STAB2: variants seen among roughly 807,000 people sequenced by gnomAD.
STAB2 encodes stabilin 2.
Under a neutral mutation model 338.1 loss-of-function variants are expected in STAB2, and 288 were observed. The ratio of observed to expected loss-of-function variants is 0.85; its 90% confidence interval spans 0.77 to 0.94. The LOEUF (loss-of-function observed/expected upper bound fraction) is 0.94. Among genes scored for constraint, STAB2 ranks in the 40% least tolerant of loss-of-function variants. The pLI, the probability that STAB2 is intolerant of heterozygous loss-of-function variation, is 0.00. For synonymous variants in STAB2, 1,202 were observed against 1,193.3 expected, an observed-to-expected ratio of 1.01 and a Z score of -0.15; for missense variants, 3,141 against 3,210.1, an observed-to-expected ratio of 0.98 and a Z score of 0.52.
chr12:103,742,446 G>A lies in STAB2; in HGVS notation c.5923G>A (p.Val1975Ile). The change falls in exon 56 of 69, where the codon GTC becomes ATC. Residue 1975 changes from valine (V) to isoleucine (I), a missense_variant. Transcript: ENST00000388887. Reference protein sequence around the residue: ...GPDAPCNNRGVCLDQYSATGE... With the variant: ...GPDAPCNNRGICLDQYSATGE... ...AGATGCCCCGTGTAATAACCGGGGT[G>A]TCTGCCTTGATCAGTACTCGGCCAC... is the stretch of plus-strand genomic sequence containing the variant. The A allele has an allele frequency of 6.2e-7, 1 of 1,614,134 alleles. No individual in the cohort carries two copies. The highest frequency in any genetic ancestry group is 1.1e-5 in the South Asian group (1 of 91,066).
At chr12:103,676,441 G>A (rs1876381919) in intron 24 of STAB2, among the ~76,000 whole-genome samples, 1 of 152,128 alleles carries the variant, frequency 6.6e-6, no homozygotes, top group African/African-American at 2.4e-5. Flanking sequence ...ATAGGTCAAT[G>A]TCTGATCACT....
intron 27 of STAB2, among the ~76,000 whole-genome samples, chr12:103,686,286 T>C (rs1311243084): frequency 6.6e-6 from 1 of 152,166 alleles, no homozygotes; most frequent in East Asian, 1.9e-4. Flanking sequence ...CCCCTCTCAC[T>C]GTCAACTGTG....
chr12:103,745,293 G>C lies in STAB2; in HGVS notation c.6136+16G>C, dbSNP rs1882938848. The C allele has an allele frequency of 6.2e-7, 1 of 1,609,570 alleles. No homozygotes were observed. The highest frequency in any genetic ancestry group is 8.5e-7 in the Non-Finnish European group (1 of 1,178,470). On this transcript the variant is annotated intron_variant, in intron 57 of 68. Coordinates refer to ENST00000388887, the MANE Select transcript of STAB2 (RefSeq NM_017564.10). ...ACTCAGGCAGGTCAGTCATGGGAGT[G>C]GTCAGCTGCTGGCAGCCCAGGGCTG...
intron 43 of STAB2, 104 bp from the exon 44 acceptor site, chr12:103,717,666 A>G: frequency 2.2e-6 from 2 of 894,922 alleles, no homozygotes; most frequent in South Asian, 2.9e-5. Flanking sequence ...AGACTCTCCT[A>G]ACATTACCAT....
chr12:103,631,520 T>G, intron 5 of STAB2, 78 bp from the exon 6 acceptor site: 1 of 1,390,450 alleles, frequency 7.2e-7, no homozygotes, highest in South Asian at 1.2e-5. Context: ...GCAAAGATGA[T>G]CTAAAAACAC....
At chr12:103,725,812 C>A (rs1309125163) in intron 45 of STAB2, among the ~76,000 whole-genome samples, 1 of 152,122 alleles carries the variant, frequency 6.6e-6, no homozygotes, top group Non-Finnish European at 1.5e-5. Flanking sequence ...CTGCCATAAA[C>A]CTATAACTGA....
At chr12:103,588,750 A>G (rs1956751631) in intron 1 of STAB2, among the ~76,000 whole-genome samples, 2 of 152,222 alleles carry the variant, frequency 1.3e-5, no homozygotes, top group Non-Finnish European at 2.9e-5. Context: ...CCACATACTT[A>G]TCCAAATGTG....
At position 103,631,577 on chromosome 12, in the gene STAB2, TC is replaced by T. The variant is rs1265540330; in HGVS notation, c.488-16del. On this transcript the variant is annotated intron_variant, in intron 5 of 68. Coordinates refer to ENST00000388887, the MANE Select transcript of STAB2 (RefSeq NM_017564.10). ...AACAGTCTATGTCAGGTAATAAAAATCCCCCACTTTCTGTCTCCAGTGTGCA... is the reference window on the plus strand; with the variant it reads ...AACAGTCTATGTCAGGTAATAAAAATCCCCACTTTCTGTCTCCAGTGTGCA... The T allele has an allele frequency of 1.9e-6, 3 of 1,610,180 alleles. No homozygotes were observed. The highest frequency in any genetic ancestry group is 2.5e-6 in the Non-Finnish European group (3 of 1,176,744).
intron 8 of STAB2, among the ~76,000 whole-genome samples, chr12:103,639,388 C>T (rs1214271712): frequency 6.6e-6 from 1 of 152,116 alleles, no homozygotes; most frequent in Non-Finnish European, 1.5e-5. Flanking sequence ...GTAGCACCGC[C>T]TCCTCCCATC....
At chr12:103,762,148 A>C in intron 66 of STAB2, 126 bp from the exon 67 acceptor site, 1 of 1,320,748 alleles carries the variant, frequency 7.6e-7, no homozygotes, top group Non-Finnish European at 1.0e-6. Context: ...AATAAGGGCC[A>C]GATACATGTT....
chr12:103,729,083 C>A, intron 48 of STAB2, 88 bp downstream of exon 48: 1 of 1,294,126 alleles, frequency 7.7e-7, no homozygotes, highest in Non-Finnish European at 1.1e-6. Context: ...TCATCCTCAG[C>A]AAACTAATGC....
At chr12:103,590,491 T>C (rs534373429) in intron 1 of STAB2, among the ~76,000 whole-genome samples, 1 of 152,332 alleles carries the variant, frequency 6.6e-6, no homozygotes, top group South Asian at 2.1e-4. Context: ...ATCCTTGAGA[T>C]CTGCTGATCT....
chr12:103,756,048 A>G (rs1224319834), intron 63 of STAB2, among the ~76,000 whole-genome samples: 1 of 152,134 alleles, frequency 6.6e-6, no homozygotes, highest in Non-Finnish European at 1.5e-5. Context: ...TGTTCTTGTG[A>G]GCTGGTATTA....
intron 44 of STAB2, among the ~76,000 whole-genome samples, chr12:103,719,149 T>C (rs1371362498): frequency 2.0e-5 from 3 of 152,146 alleles, no homozygotes; most frequent in Non-Finnish European, 4.4e-5. Context: ...TGCAAAGGGA[T>C]GAGATAAGCC....
intron 20 of STAB2, 168 bp downstream of exon 20, chr12:103,668,897 C>T (rs188505396): frequency 1.6e-3 from 984 of 598,420 alleles, no homozygotes; most frequent in Non-Finnish European, 2.5e-3. Context: ...AGACTCTGTC[C>T]TTTCCTGCAT....
At chr12:103,737,606 CTTTTTT>C (rs761241523) in intron 52 of STAB2, 22 bp from the exon 53 acceptor site, 105 of 998,182 alleles carry the variant, frequency 1.1e-4, no homozygotes, top group Middle Eastern at 3.1e-4. Flanking sequence ...CTCTCTTTCT[CTTTTTT>C]TTTTTTTTTT....
chr12:103,624,585 G>T (rs1488607346), intron 5 of STAB2, among the ~76,000 whole-genome samples: 1 of 152,176 alleles, frequency 6.6e-6, no homozygotes, highest in Admixed American at 6.5e-5. Flanking sequence ...AATCATAGGT[G>T]TTTCTTCACC....
chr12:103,636,918 A>G (rs1050080260), intron 6 of STAB2, among the ~76,000 whole-genome samples, 193 bp from the exon 7 acceptor site: 7 of 152,222 alleles, frequency 4.6e-5, no homozygotes, highest in African/African-American at 1.7e-4. Flanking sequence ...AAATTAATAT[A>G]TTTTATTGAT....
At chr12:103,694,936 T>C (rs2138927682) in intron 31 of STAB2, among the ~76,000 whole-genome samples, 1 of 152,188 alleles carries the variant, frequency 6.6e-6, no homozygotes, top group South Asian at 2.1e-4. Flanking sequence ...GTGGAGCCTA[T>C]AATGAAAGTG....
Sources: allele counts gnomAD v4.1 joint callset (sites outside exome capture counted in the v4.1 genomes callset), GRCh38; gene constraint gnomAD v4.1.1; transcripts MANE v1.5; gene names NCBI Gene and HGNC (gene_info 2026-07-23, HGNC 2026-07-21).